QTGAL: variants seen among roughly 807,000 people sequenced by gnomAD.
QTGAL encodes the protein queuosine-tRNA galactosyltransferase.
At chr17:82,946,159 G>A in the QTGAL span, among the ~76,000 whole-genome samples, 2 of 152,106 alleles carry the variant, frequency 1.3e-5, no homozygotes, top group East Asian at 3.8e-4. Context: ...GGAGAGAAAT[G>A]GAACAAGAAT....
At chr17:83,042,268 G>A in the QTGAL span, among the ~76,000 whole-genome samples, 1 of 152,174 alleles carries the variant, frequency 6.6e-6, no homozygotes, top group Non-Finnish European at 1.5e-5. Context: ...CTGGGAGGCT[G>A]AGGCACAAGA....
chr17:83,050,384 TA>T, the QTGAL span, among the ~76,000 whole-genome samples: 32,511 of 150,018 alleles, frequency 0.22, 3,570 homozygotes, highest in Non-Finnish European at 0.24. Flanking sequence ...AAATAAAAAT[TA>T]AAAAAAAAAT....
At chr17:82,960,746 G>A in the QTGAL span, among the ~76,000 whole-genome samples, 8 of 152,326 alleles carry the variant, frequency 5.3e-5, no homozygotes, top group Non-Finnish European at 8.8e-5. Context: ...TGAGACTCCC[G>A]TCGGGTTAAA....
chr17:82,981,137 C>T, the QTGAL span: 1 of 152,208 alleles, frequency 6.6e-6, no homozygotes, highest in African/African-American at 2.4e-5. Context: ...GGGTCAGAGT[C>T]AGGGATCCTG....
the QTGAL span, among the ~76,000 whole-genome samples, chr17:83,041,075 A>ATAAT: frequency 0.2 from 30,447 of 151,374 alleles, 3,243 homozygotes; most frequent in Non-Finnish European, 0.24. Context: ...CAAAAAAAAA[A>ATAAT]AAAAAAAATG....
chr17:82,987,707 T>G, the QTGAL span, among the ~76,000 whole-genome samples: 14 of 152,366 alleles, frequency 9.2e-5, no homozygotes, highest in South Asian at 2.5e-3. Flanking sequence ...GGGAGTGTGA[T>G]GTCTCCAGCT....
chr17:83,007,329 C>T, the QTGAL span: 4 of 960,990 alleles, frequency 4.2e-6, no homozygotes, highest in Non-Finnish European at 5.0e-6. Context: ...CATTTCTAAA[C>T]TGTTTGGTGT....
chr17:82,959,386 G>A, the QTGAL span, among the ~76,000 whole-genome samples: 14 of 139,176 alleles, frequency 1.0e-4, no homozygotes, highest in East Asian at 1.4e-3. Context: ...TGCAGTGAGC[G>A]TGTGCAGTGA....
chr17:83,013,393 C>T, the QTGAL span, among the ~76,000 whole-genome samples: 1 of 130,540 alleles, frequency 7.7e-6, no homozygotes, highest in African/African-American at 2.9e-5. Flanking sequence ...TCCCAACCCC[C>T]CTCCCCCTCA....
At chr17:83,019,084 G>T in the QTGAL span, among the ~76,000 whole-genome samples, 1 of 152,202 alleles carries the variant, frequency 6.6e-6, no homozygotes, top group Non-Finnish European at 1.5e-5. Context: ...CGCCGGAATG[G>T]AAGTTAAGAC....
the QTGAL span, chr17:83,006,054 A>G: frequency 9.9e-7 from 1 of 1,009,720 alleles, no homozygotes; most frequent in Non-Finnish European, 1.2e-6. This position sits in a 1 kb window ranked among gnomAD's most constrained non-coding sequence, Gnocchi z 5.8. Flanking sequence ...ACCCCAAGTG[A>G]GGGCCCAGGG....
At chr17:82,977,614 C>T in the QTGAL span, among the ~76,000 whole-genome samples, 3 of 152,170 alleles carry the variant, frequency 2.0e-5, no homozygotes, top group East Asian at 1.9e-4. Flanking sequence ...CGAAACCCAC[C>T]GCTGGTGACT....
the QTGAL span, among the ~76,000 whole-genome samples, chr17:82,974,597 G>T: frequency 6.6e-6 from 1 of 152,184 alleles, no homozygotes; most frequent in East Asian, 1.9e-4. Flanking sequence ...GTGAGCTCAG[G>T]CTGTAAATGA....
At chr17:83,014,262 CAG>C in the QTGAL span, among the ~76,000 whole-genome samples, 1 of 152,138 alleles carries the variant, frequency 6.6e-6, no homozygotes, top group Non-Finnish European at 1.5e-5. Context: ...GGAGAAAAAT[CAG>C]GGGCATGTTT....
At chr17:82,956,539 G>A in the QTGAL span, among the ~76,000 whole-genome samples, 2 of 152,218 alleles carry the variant, frequency 1.3e-5, no homozygotes, top group Admixed American at 6.5e-5. This position sits in a 1 kb window ranked among gnomAD's most constrained non-coding sequence, Gnocchi z 5.7. Context: ...CCTGGTCTGT[G>A]GTGCTGTTGT....
the QTGAL span, among the ~76,000 whole-genome samples, chr17:82,997,937 A>ATC: frequency 4.0e-5 from 6 of 148,160 alleles, no homozygotes; most frequent in African/African-American, 1.5e-4. Context: ...AAAAATATAT[A>ATC]TATATATATA....
chr17:82,962,059 A>G, the QTGAL span, among the ~76,000 whole-genome samples: 41 of 152,238 alleles, frequency 2.7e-4, no homozygotes, highest in African/African-American at 7.9e-4. Flanking sequence ...GCCCGGAGAC[A>G]CCTTTGCTCC....
At chr17:82,973,952 C>T in the QTGAL span, among the ~76,000 whole-genome samples, 3 of 152,126 alleles carry the variant, frequency 2.0e-5, no homozygotes, top group Non-Finnish European at 4.4e-5. Flanking sequence ...TGTGTTCCCA[C>T]CCCGCCTGCC....
chr17:83,039,658 G>C, the QTGAL span, among the ~76,000 whole-genome samples: 2 of 152,160 alleles, frequency 1.3e-5, no homozygotes, highest in African/African-American at 4.8e-5. Flanking sequence ...TAGACACACT[G>C]CAGATTAGCT....
Sources: allele counts gnomAD v4.1 joint callset (sites outside exome capture counted in the v4.1 genomes callset), GRCh38; gene constraint gnomAD v4.1.1; non-coding constraint Gnocchi (gnomAD v3.1); transcripts MANE v1.5; gene names NCBI Gene and HGNC (gene_info 2026-07-23, HGNC 2026-07-21).